PCDHA10: variants seen among roughly 807,000 people sequenced by gnomAD.
PCDHA10 encodes the protein protocadherin alpha 10.
A neutral mutation model predicts 61.2 loss-of-function variants in PCDHA10; 45 were observed. That is an observed-to-expected ratio of 0.74 (90% CI 0.58 to 0.94). The LOEUF (loss-of-function observed/expected upper bound fraction) is 0.94. Ranked by LOEUF, PCDHA10 falls within the 40% of genes least tolerant of loss-of-function variation. PCDHA10 has a pLI of 0.00. For missense variants in PCDHA10, 1,278 were observed against 1,236.2 expected, an observed-to-expected ratio of 1.03 and a Z score of -0.51; for synonymous variants, 602 against 548.8, an observed-to-expected ratio of 1.10 and a Z score of -1.35.
chr5:140,873,262 G>T (rs1196053156), intron 1 of PCDHA10, among the ~76,000 whole-genome samples: 1 of 152,136 alleles, frequency 6.6e-6, no homozygotes, highest in Non-Finnish European at 1.5e-5. Context: ...ACTCAAAAGT[G>T]ATTAAACCAT....
Position 140,870,220 on chromosome 5 carries a change from G to A in PCDHA10, c.2388+11784G>A, listed in dbSNP as rs199741132. 3.2e-5 allele frequency: 52 copies of A among 1,614,042 alleles called. No individual in the cohort carries two copies. The highest frequency in any genetic ancestry group is 2.7e-5 in the Non-Finnish European group (32 of 1,180,040). ...CAGCACGGTCATTGCCCTGATCAGC[G>A]TGTCTGACCGTGACTCAGGTGTCAA... On this transcript the variant is annotated intron_variant, in intron 1 of 3. Transcript: ENST00000307360.
At chr5:140,919,643 C>CTA (rs1244015726) in intron 1 of PCDHA10, among the ~76,000 whole-genome samples, 7 of 152,192 alleles carry the variant, frequency 4.6e-5, no homozygotes, top group Non-Finnish European at 8.8e-5. Flanking sequence ...AGTAGTTTCT[C>CTA]TAGAGTTTAC....
chr5:140,883,621 C>G (rs368758287), intron 1 of PCDHA10: 2 of 1,613,850 alleles, frequency 1.2e-6, no homozygotes, highest in African/African-American at 2.7e-5. Flanking sequence ...TGAACGACAA[C>G]GCGCCGGCGT....
intron 1 of PCDHA10, among the ~76,000 whole-genome samples, chr5:140,945,406 G>A (rs992531626): frequency 2.0e-4 from 30 of 151,882 alleles, no homozygotes; most frequent in East Asian, 1.2e-3. Flanking sequence ...AATACAATTC[G>A]TATCAAAATT....
intron 1 of PCDHA10, chr5:140,871,453 G>A (rs1554165628): frequency 6.2e-7 from 1 of 1,607,586 alleles, no homozygotes; most frequent in Non-Finnish European, 8.5e-7. Flanking sequence ...TAAAGAGGAG[G>A]AAGGGGAAAG....
At chr5:140,972,749 C>T (rs6899060) in intron 1 of PCDHA10, among the ~76,000 whole-genome samples, 3,772 of 151,356 alleles carry the variant, frequency 0.025, 151 homozygotes, top group African/African-American at 0.085. Flanking sequence ...CTGCAACCTC[C>T]GCCTCCCAAG....
At position 140,856,167 on chromosome 5, in the gene PCDHA10, A is replaced by T. The variant is rs141221498; in HGVS notation, c.119A>T (p.His40Leu). ...TACTCAGTCTACGAGGAGGCCAGAC[A>T]CGGCACCTTCGTGGGCCGCATCGCG... is the stretch of plus-strand genomic sequence containing the variant. ...LHYSVYEEAR[H>L]GTFVGRIAQD... The change falls in exon 1 of 4, where the codon CAC becomes CTC. Residue 40 changes from histidine (H) to leucine (L), a missense_variant. Coordinates refer to ENST00000307360, the MANE Select transcript of PCDHA10 (RefSeq NM_018901.4). 4.0e-5 allele frequency: 64 copies of T among 1,598,222 alleles called. 4 individuals carry two copies. The African/African-American group carries it at 8.5e-4, about 21-fold the overall frequency.
chr5:140,897,345 C>A (rs1291203410), intron 1 of PCDHA10, among the ~76,000 whole-genome samples: 2 of 126,562 alleles, frequency 1.6e-5, no homozygotes, highest in African/African-American at 6.0e-5. Flanking sequence ...CCCCCCACCC[C>A]ACAACTGTCC....
chr5:140,883,950 A>G (rs373518493), intron 1 of PCDHA10: 3 of 1,613,288 alleles, frequency 1.9e-6, no homozygotes, highest in South Asian at 1.1e-5. Flanking sequence ...GAGAACGACA[A>G]CGCTCCGGCG....
At chr5:140,980,910 T>G (rs1554242463) in intron 2 of PCDHA10, among the ~76,000 whole-genome samples, 1 of 152,206 alleles carries the variant, frequency 6.6e-6, no homozygotes, top group East Asian at 1.9e-4. Context: ...ATGTAACTAT[T>G]CTTTAAAAAA....
At position 140,856,269 on chromosome 5, in the gene PCDHA10, T is replaced by C. The variant is rs367902357; in HGVS notation, c.221T>C (p.Leu74Pro). Residue 74 changes from leucine (L) to proline (P), a missense_variant, in exon 1 of 4, where the codon CTG (leucine) becomes CCG (proline). By Grantham distance (98) the Leu-to-Pro change is moderately conservative. Transcript: ENST00000307360. Reference protein sequence around the residue: ...RVASKRHGDLLEVNLQNGILF... With the variant: ...RVASKRHGDLPEVNLQNGILF... ...GCGTCCAAAAGACACGGGGACCTTC[T>C]GGAGGTAAATCTGCAGAATGGCATT... 5.2e-5 allele frequency: 83 copies of C among 1,598,182 alleles called. 3 individuals are homozygous for C. In the South Asian group the frequency reaches 5.5e-4, roughly 11 times the overall value.
At chr5:140,984,471 A>G (rs2153834399) in intron 3 of PCDHA10, among the ~76,000 whole-genome samples, 1 of 152,300 alleles carries the variant, frequency 6.6e-6, no homozygotes, top group Middle Eastern at 3.4e-3. Context: ...CCCCTCTTGT[A>G]TAACCCATTT....
intron 1 of PCDHA10, among the ~76,000 whole-genome samples, chr5:140,978,316 A>AC (rs1370469532): frequency 5.4e-4 from 83 of 152,358 alleles, no homozygotes; most frequent in African/African-American, 1.9e-3. Context: ...AGGAGCAGGA[A>AC]CAAGTACAAG....
In PCDHA10 at chr5:140,927,773, A is replaced by G. The variant is rs143568645; in HGVS notation, c.2389-51176A>G. ...GTGCACCCTAAAAGTGGGGAGGTGC[A>G]AGTAGCTGCTTCACTAGGTCCGCCT... is the stretch of plus-strand genomic sequence containing the variant. On this transcript the variant is annotated intron_variant, in intron 1 of 3. Coordinates refer to ENST00000307360, the MANE Select transcript of PCDHA10 (RefSeq NM_018901.4). 201 of 1,614,196 alleles carry G rather than the reference A, an allele frequency of 1.2e-4. 4 individuals carry two copies. In the Middle Eastern group the frequency reaches 2.1e-3, roughly 17 times the overall value.
In PCDHA10 at chr5:140,856,174, C is replaced by T; in HGVS notation, c.126C>T (p.Thr42=). ...YSVYEEARHG[T]FVGRIAQDLG... ...TCTACGAGGAGGCCAGACACGGCAC[C>T]TTCGTGGGCCGCATCGCGCAGGACC... is the stretch of plus-strand genomic sequence containing the variant. The change falls in exon 1 of 4, where the codon ACC becomes ACT. Residue 42 remains threonine (T), a synonymous_variant. Transcript: ENST00000307360. 6.3e-7 allele frequency: 1 copy of T among 1,598,296 alleles called. No individual in the cohort carries two copies. Among genetic ancestry groups the T allele is most frequent in the Non-Finnish European group, 8.6e-7 (1 of 1,167,910 alleles).
At chr5:140,952,515 C>G (rs2094758109) in intron 1 of PCDHA10, among the ~76,000 whole-genome samples, 1 of 152,132 alleles carries the variant, frequency 6.6e-6, no homozygotes, top group Non-Finnish European at 1.5e-5. Context: ...TCATCTCCAT[C>G]TGAGACCTCC....
intron 1 of PCDHA10, chr5:140,882,360 T>A: frequency 6.2e-7 from 1 of 1,614,134 alleles, no homozygotes. Context: ...AGTGGCCAGC[T>A]CCACTACTCC....
intron 1 of PCDHA10, chr5:140,877,792 C>A (rs782259804): frequency 1.9e-6 from 3 of 1,613,886 alleles, no homozygotes; most frequent in Non-Finnish European, 2.5e-6. Flanking sequence ...GGCCTTCAGC[C>A]CAAGCCTTCA....
chr5:140,967,645 G>A lies in PCDHA10; in HGVS notation c.2389-11304G>A, dbSNP rs782043521. ...ATGAGGGCTCCAATGGTGAGCTCAG[G>A]TACTCCTTGAGCAGCTACACGTCGG... On this transcript the variant is annotated intron_variant, in intron 1 of 3. Transcript: ENST00000307360. 1.9e-5 allele frequency: 30 copies of A among 1,614,144 alleles called. 1 individual carries two copies. In the South Asian group the frequency reaches 3.2e-4, roughly 17 times the overall value.
Sources: allele counts gnomAD v4.1 joint callset (sites outside exome capture counted in the v4.1 genomes callset), GRCh38; gene constraint gnomAD v4.1.1; transcripts MANE v1.5; gene names NCBI Gene and HGNC (gene_info 2026-07-23, HGNC 2026-07-21).